The following ROBO2 variants were observed in gnomAD, a reference collection of about 807,000 sequenced individuals.
ROBO2 encodes roundabout homolog 2.
Under a neutral mutation model 160.8 loss-of-function variants are expected in ROBO2, and 53 were observed. The ratio of observed to expected loss-of-function variants is 0.33; its 90% confidence interval spans 0.26 to 0.41. The LOEUF is 0.41. Among genes scored for constraint, ROBO2 ranks in the 10% least tolerant of loss-of-function variants. The pLI is 1.00. For missense variants in ROBO2, 1,577 were observed against 1,722.4 expected (o/e 0.92, Z 1.49); for synonymous variants, 664 against 611.7 (o/e 1.09, Z -1.26).
At chr3:76,918,213 A>G (rs1453967207) in intron 2 of ROBO2, among the ~76,000 whole-genome samples, 1 of 152,226 alleles carries the variant, frequency 6.6e-6, no homozygotes. Context: ...CGTGCCGGTC[A>G]TTGGATCACG....
At chr3:76,539,288 C>T (rs912964768) in intron 2 of ROBO2, among the ~76,000 whole-genome samples, 2 of 151,618 alleles carry the variant, frequency 1.3e-5, no homozygotes, top group Admixed American at 1.3e-4. Context: ...GTGCAGCAAA[C>T]CACCATGGCA....
chr3:77,013,318 TA>T (rs1388729366), intron 2 of ROBO2, among the ~76,000 whole-genome samples: 3 of 152,148 alleles, frequency 2.0e-5, no homozygotes, highest in Admixed American at 6.5e-5. Context: ...TTCTATTAAC[TA>T]AATTATATTT....
At chr3:76,354,808 A>G (rs1411043642) in intron 2 of ROBO2, among the ~76,000 whole-genome samples, 3 of 151,880 alleles carry the variant, frequency 2.0e-5, no homozygotes, top group East Asian at 3.9e-4. Flanking sequence ...AAGCCTCAGC[A>G]CAGATGTCTG....
At chr3:76,261,597 A>G (rs1240059627) in intron 2 of ROBO2, among the ~76,000 whole-genome samples, 1 of 152,122 alleles carries the variant, frequency 6.6e-6, no homozygotes, top group Admixed American at 6.6e-5. Flanking sequence ...CTATTTAATC[A>G]TATGTAAATT....
intron 2 of ROBO2, among the ~76,000 whole-genome samples, chr3:76,893,630 A>G (rs1414845699): frequency 6.6e-6 from 1 of 152,112 alleles, no homozygotes; most frequent in Non-Finnish European, 1.5e-5. Flanking sequence ...TGTTTAAGGT[A>G]TCCATGAATT....
chr3:77,107,994 ATG>A (rs751117650), intron 2 of ROBO2, among the ~76,000 whole-genome samples: 2 of 151,724 alleles, frequency 1.3e-5, no homozygotes, highest in African/African-American at 2.4e-5. Flanking sequence ...ATACATATAT[ATG>A]TGTGTGTGTG....
chr3:77,121,971 A>G (rs894099415), intron 2 of ROBO2, among the ~76,000 whole-genome samples: 3 of 152,144 alleles, frequency 2.0e-5, no homozygotes, highest in Non-Finnish European at 4.4e-5. Flanking sequence ...TTTTAAAAAA[A>G]TTGCCCAAAG....
intron 2 of ROBO2, among the ~76,000 whole-genome samples, chr3:76,001,688 C>T (rs1223514058): frequency 6.6e-6 from 1 of 151,896 alleles, no homozygotes; most frequent in East Asian, 1.9e-4. Flanking sequence ...CAGGCATTTG[C>T]CACCATGCCC....
intron 2 of ROBO2, among the ~76,000 whole-genome samples, chr3:77,168,165 G>A (rs1272223489): frequency 5.3e-5 from 8 of 152,260 alleles, no homozygotes; most frequent in East Asian, 1.9e-4. Flanking sequence ...GCATTTCATC[G>A]TTACAGACAA....
At chr3:77,521,595 A>G (rs899093023) in intron 5 of ROBO2, among the ~76,000 whole-genome samples, 1 of 151,308 alleles carries the variant, frequency 6.6e-6, no homozygotes, top group African/African-American at 2.4e-5. Context: ...ACTTGCAGAC[A>G]GAAAAGTAAC....
chr3:76,187,360 G>C (rs1016573439), intron 2 of ROBO2, among the ~76,000 whole-genome samples: 1 of 151,938 alleles, frequency 6.6e-6, no homozygotes, highest in Non-Finnish European at 1.5e-5. Flanking sequence ...TCACAGTCTT[G>C]ACCTCCCAGG....
chr3:77,356,121 TG>T (rs2069084964), intron 2 of ROBO2, among the ~76,000 whole-genome samples: 1 of 152,206 alleles, frequency 6.6e-6, no homozygotes, highest in Non-Finnish European at 1.5e-5. Flanking sequence ...ATGTAAATGT[TG>T]GTTTATTGGC....
At chr3:77,420,630 C>T (rs2077631380) in intron 2 of ROBO2, among the ~76,000 whole-genome samples, 1 of 152,088 alleles carries the variant, frequency 6.6e-6, no homozygotes, top group Admixed American at 6.5e-5. Flanking sequence ...TGTTGTCTGT[C>T]ACTCTGACTC....
At chr3:76,454,716 TTAAA>T (rs2077661988) in intron 2 of ROBO2, among the ~76,000 whole-genome samples, 1 of 152,150 alleles carries the variant, frequency 6.6e-6, no homozygotes, top group African/African-American at 2.4e-5. Flanking sequence ...GAAGCACATA[TTAAA>T]TAATTTTTTT....
At chr3:76,938,565 C>T (rs2077906789) in intron 2 of ROBO2, among the ~76,000 whole-genome samples, 1 of 152,062 alleles carries the variant, frequency 6.6e-6, no homozygotes, top group African/African-American at 2.4e-5. Context: ...TGATAGAAGG[C>T]CAGCTCATAG....
At chr3:77,373,470 A>G (rs980344649) in intron 2 of ROBO2, among the ~76,000 whole-genome samples, 92 of 152,022 alleles carry the variant, frequency 6.1e-4, no homozygotes, top group South Asian at 1.2e-3. Flanking sequence ...CTTCTATAAT[A>G]CAAGATTTGA....
At chr3:76,160,118 G>A (rs1347174815) in intron 2 of ROBO2, among the ~76,000 whole-genome samples, 5 of 152,088 alleles carry the variant, frequency 3.3e-5, no homozygotes, top group Non-Finnish European at 5.9e-5. Flanking sequence ...TCTGCAGAAA[G>A]TCAACAAGCA....
At chr3:76,091,914 G>A (rs1009976594) in intron 2 of ROBO2, among the ~76,000 whole-genome samples, 3 of 152,148 alleles carry the variant, frequency 2.0e-5, no homozygotes, top group Non-Finnish European at 4.4e-5. Flanking sequence ...AGTTACCAGG[G>A]ATTATGGGAA....
exon 20 of ROBO2, chr3:77,602,354 C>A: frequency 6.2e-7 from 1 of 1,614,140 alleles, no homozygotes; most frequent in Non-Finnish European, 8.5e-7. Flanking sequence ...TATGCCACGA[C>A]ACAGATCTTG....
Sources: gnomAD v4.1 joint callset for allele counts (sites outside exome capture counted in the v4.1 genomes callset) on GRCh38, gnomAD v4.1.1 for gene constraint, MANE v1.5 for transcripts, NCBI Gene and HGNC (gene_info 2026-07-23, HGNC 2026-07-21) for gene names.